LHFPL4: variants seen among roughly 807,000 people sequenced by gnomAD.
The protein encoded by LHFPL4 is LHFPL tetraspan subfamily member 4, also known as LHFPL tetraspan subfamily member 4 protein.
In LHFPL4, 6 loss-of-function variants were observed where a neutral mutation model predicts 20.0. That is an observed-to-expected ratio of 0.30 (90% CI 0.16 to 0.59). The LOEUF (loss-of-function observed/expected upper bound fraction) is 0.59, where lower values mean the gene tolerates loss of function less well. LHFPL4 is among the 20% of genes least tolerant of loss of function. LHFPL4 has a pLI of 0.88. For missense variants in LHFPL4, 215 were observed against 331.2 expected, an observed-to-expected ratio of 0.65 and a Z score of 2.72; for synonymous variants, 129 against 143.8, an observed-to-expected ratio of 0.90 and a Z score of 0.74.
intron 2 of LHFPL4, among the ~76,000 whole-genome samples, chr3:9,530,732 T>C (rs1379950152): frequency 7.0e-6 from 1 of 142,708 alleles, no homozygotes; most frequent in Non-Finnish European, 1.6e-5. Flanking sequence ...CACTACTTCA[T>C]CATTAACAGC....
At chr3:9,510,792 G>C (rs766055360) in intron 2 of LHFPL4, among the ~76,000 whole-genome samples, 1 of 151,522 alleles carries the variant, frequency 6.6e-6, no homozygotes, top group Non-Finnish European at 1.5e-5. Flanking sequence ...ACAAAAATTA[G>C]CTGGGCTTGG....
chr3:9,521,612 C>G (rs1328994768), intron 2 of LHFPL4, among the ~76,000 whole-genome samples: 3 of 151,356 alleles, frequency 2.0e-5, no homozygotes, highest in Non-Finnish European at 2.9e-5. Context: ...GCCATGTTAG[C>G]CAGGATGATC....
In LHFPL4 at chr3:9,502,145, T is replaced by C; in HGVS notation, c.*66A>G. 1 of 1,128,848 alleles carries C rather than the reference T, an allele frequency of 8.9e-7. No individual in the cohort carries two copies. Among genetic ancestry groups the C allele is most frequent in the Non-Finnish European group, 1.3e-6 (1 of 744,312 alleles). 69.9% of individuals were successfully genotyped at this position (1,128,848 alleles called of 1,614,324 possible). A position where few individuals can be genotyped will look rare whatever the true frequency, so the allele number is the denominator to read the frequency against. On this transcript the variant is annotated 3_prime_UTR_variant, in exon 4 of 4. Transcript: ENST00000287585. ...GTCTTCCCTCAGAGCTTGAATGGAG[T>C]GACGAGAGGGCAGAAGGCAGGACAA...
At chr3:9,516,044 C>A (rs992062510) in intron 2 of LHFPL4, among the ~76,000 whole-genome samples, 1 of 151,582 alleles carries the variant, frequency 6.6e-6, no homozygotes, top group African/African-American at 2.4e-5. Flanking sequence ...GATTTTCTCC[C>A]AGTATGTGGC....
chr3:9,543,096 C>G (rs1262409452), intron 2 of LHFPL4, among the ~76,000 whole-genome samples: 2 of 152,092 alleles, frequency 1.3e-5, no homozygotes, highest in Non-Finnish European at 2.9e-5. Context: ...TGAATTATAT[C>G]TCAATACAAC....
chr3:9,540,202 T>C (rs1394654287), intron 2 of LHFPL4, among the ~76,000 whole-genome samples: 2 of 152,204 alleles, frequency 1.3e-5, no homozygotes, highest in Non-Finnish European at 2.9e-5. Flanking sequence ...ATTTAAATTG[T>C]GATGCACCTA....
At chr3:9,545,024 C>T (rs188122899) in intron 2 of LHFPL4, among the ~76,000 whole-genome samples, 26 of 152,204 alleles carry the variant, frequency 1.7e-4, no homozygotes, top group African/African-American at 5.5e-4. Flanking sequence ...AGGATTCTTA[C>T]TCAGGATTTC....
chr3:9,537,131 G>A (rs138724754), intron 2 of LHFPL4, among the ~76,000 whole-genome samples: 1 of 152,164 alleles, frequency 6.6e-6, no homozygotes, highest in Admixed American at 6.6e-5. Context: ...CTCTCTTCAT[G>A]GCATTCAGAA....
At chr3:9,513,651 A>G (rs1396017740) in intron 2 of LHFPL4, among the ~76,000 whole-genome samples, 1 of 152,178 alleles carries the variant, frequency 6.6e-6, no homozygotes, top group African/African-American at 2.4e-5. Context: ...TTAAACTGCA[A>G]TTATTTTGGT....
chr3:9,551,983 C>G (rs954768199), intron 2 of LHFPL4, among the ~76,000 whole-genome samples: 1 of 152,098 alleles, frequency 6.6e-6, no homozygotes, highest in Non-Finnish European at 1.5e-5. Flanking sequence ...AGACAGCCAA[C>G]AGAGACCCTT....
intron 2 of LHFPL4, among the ~76,000 whole-genome samples, chr3:9,519,769 T>G (rs2648601): frequency 0.53 from 79,873 of 151,822 alleles, 21,549 homozygotes; most frequent in African/African-American, 0.64. Context: ...GCCCAGGTTG[T>G]TCTCAATTCC....
intron 2 of LHFPL4, among the ~76,000 whole-genome samples, chr3:9,523,450 CTTTA>C (rs199544534): frequency 0.13 from 19,909 of 147,820 alleles, 1,986 homozygotes; most frequent in East Asian, 0.41. Context: ...GAGACAGAGT[CTTTA>C]TTTATTTATT....
chr3:9,509,341 T>C (rs1313073400), intron 2 of LHFPL4, among the ~76,000 whole-genome samples: 2 of 151,514 alleles, frequency 1.3e-5, no homozygotes, highest in Non-Finnish European at 2.9e-5. Context: ...TTTCAGCACT[T>C]AACATTCATT....
At chr3:9,503,064 G>A (rs1054143058) in intron 3 of LHFPL4, among the ~76,000 whole-genome samples, 3 of 151,850 alleles carry the variant, frequency 2.0e-5, no homozygotes, top group Admixed American at 2.0e-4. Context: ...GGTCTTGAAC[G>A]TGTGGGCTCA....
intron 2 of LHFPL4, among the ~76,000 whole-genome samples, chr3:9,528,148 G>A (rs953426624): frequency 3.3e-5 from 5 of 152,120 alleles, no homozygotes; most frequent in African/African-American, 1.2e-4. Flanking sequence ...TTGCCACATC[G>A]ATTGACTTTT....
chr3:9,546,987 G>T (rs897841044), intron 2 of LHFPL4, among the ~76,000 whole-genome samples: 1 of 152,030 alleles, frequency 6.6e-6, no homozygotes, highest in African/African-American at 2.4e-5. Flanking sequence ...TCTATTCTTG[G>T]TTCGTTTTGT....
intron 3 of LHFPL4, among the ~76,000 whole-genome samples, chr3:9,504,741 T>C (rs773447879): frequency 4.6e-5 from 7 of 150,546 alleles, no homozygotes; most frequent in African/African-American, 9.8e-5. Context: ...AGTAGAATGG[T>C]GTGAACCCGG....
chr3:9,517,427 T>A (rs1484026614), intron 2 of LHFPL4, among the ~76,000 whole-genome samples: 4 of 152,124 alleles, frequency 2.6e-5, no homozygotes, highest in Non-Finnish European at 5.9e-5. Flanking sequence ...CTTGTAAATA[T>A]TTTATTAGAT....
At chr3:9,544,255 A>G (rs1231172749) in intron 2 of LHFPL4, among the ~76,000 whole-genome samples, 1 of 151,534 alleles carries the variant, frequency 6.6e-6, no homozygotes, top group Non-Finnish European at 1.5e-5. Flanking sequence ...TTACTTTTCC[A>G]AAGAGTCAAA....
Sources: allele counts gnomAD v4.1 joint callset (sites outside exome capture counted in the v4.1 genomes callset), GRCh38; gene constraint gnomAD v4.1.1; transcripts MANE v1.5; gene names NCBI Gene and HGNC (gene_info 2026-07-23, HGNC 2026-07-21).